The following PLS1 variants were observed in gnomAD, a reference collection of about 807,000 sequenced individuals.
PLS1 encodes the protein plastin 1.
A neutral mutation model predicts 73.7 loss-of-function variants in PLS1; 32 were observed. The observed-to-expected ratio is 0.43, with a 90% CI of 0.33 to 0.58. The LOEUF (loss-of-function observed/expected upper bound fraction) is 0.58, where lower values mean the gene tolerates loss of function less well. Among genes scored for constraint, PLS1 ranks in the 20% least tolerant of loss-of-function variants. PLS1 has a pLI of 0.04. For missense variants in PLS1, 633 were observed against 740.5 expected, an observed-to-expected ratio of 0.85 and a Z score of 1.68; for synonymous variants, 217 against 261.3, an observed-to-expected ratio of 0.83 and a Z score of 1.63.
chr3:142,683,275 C>T (rs867797830), intron 6 of PLS1, among the ~76,000 whole-genome samples: 10 of 152,156 alleles, frequency 6.6e-5, no homozygotes, highest in Admixed American at 2.0e-4. Flanking sequence ...GAGGCCGAGG[C>T]GGGCAGATTA....
intron 14 of PLS1, among the ~76,000 whole-genome samples, chr3:142,711,151 T>G (rs1933109302): frequency 6.6e-6 from 1 of 152,208 alleles, no homozygotes; most frequent in African/African-American, 2.4e-5. Flanking sequence ...ATTCATGGTC[T>G]AAGAAATATG....
At chr3:142,681,282 A>G (rs1164004117) in intron 6 of PLS1, among the ~76,000 whole-genome samples, 1 of 152,096 alleles carries the variant, frequency 6.6e-6, no homozygotes, top group Non-Finnish European at 1.5e-5. Flanking sequence ...TGACCAAAAA[A>G]AGGTCATGTA....
chr3:142,619,567 GTTC>G (rs2036277838), intron 1 of PLS1: 1 of 152,166 alleles, frequency 6.6e-6, no homozygotes, highest in East Asian at 1.9e-4. Flanking sequence ...CTGTTTTTGA[GTTC>G]TTCTCTAAGA....
rs190228499 is a variant in PLS1 at position 142,651,197 on chromosome 3, C to T, written c.-36-13005C>T. ...AGACAGGGCCGGGCACAGTGGCTAA[C>T]GCATGTAATCCCAGCATTTTGGGAG... On this transcript the variant is annotated intron_variant, in intron 1 of 15. Transcript: ENST00000457734. 5.4e-3 allele frequency among the ~76,000 whole-genome samples: 814 copies of T among 151,970 alleles called. 3 individuals carry two copies. Among genetic ancestry groups the T allele is most frequent in the African/African-American group, 0.018 (760 of 41,464 alleles).
At chr3:142,701,582 G>C (rs1180742049) in intron 12 of PLS1, among the ~76,000 whole-genome samples, 1 of 152,140 alleles carries the variant, frequency 6.6e-6, no homozygotes, top group Non-Finnish European at 1.5e-5. Flanking sequence ...TCTCTTAGAA[G>C]TGTTCTGCCA....
rs1427159978 is a variant in PLS1 at position 142,610,450 on chromosome 3, C to A, written c.-37+13941C>A. Among the ~76,000 whole-genome samples the A allele has an allele frequency of 2.0e-5, 3 of 152,246 alleles. 1 individual carries two copies. In the East Asian group the frequency reaches 5.8e-4, roughly 29 times the overall value. ...TGATTCGGATCATACTTAAATATAG[C>A]AGCTTAAGACTTTGTAAACCTTTTA... On this transcript the variant is annotated intron_variant, in intron 1 of 15. Coordinates refer to ENST00000457734, the MANE Select transcript of PLS1 (RefSeq NM_001145319.2).
intron 1 of PLS1, among the ~76,000 whole-genome samples, chr3:142,597,076 A>T (rs1398700885): frequency 6.6e-6 from 1 of 152,118 alleles, no homozygotes; most frequent in Admixed American, 6.5e-5. Flanking sequence ...AAAATTTAAG[A>T]TTTCTCCCTA....
intron 1 of PLS1, among the ~76,000 whole-genome samples, chr3:142,628,261 T>C (rs903933655): frequency 1.1e-4 from 16 of 152,154 alleles, no homozygotes; most frequent in Non-Finnish European, 2.1e-4. Context: ...CTAGGCTGTT[T>C]AGCTTGATCT....
At chr3:142,658,546 A>G (rs989715975) in intron 1 of PLS1, among the ~76,000 whole-genome samples, 1 of 151,760 alleles carries the variant, frequency 6.6e-6, no homozygotes, top group African/African-American at 2.4e-5. Flanking sequence ...CTCCCTCTAC[A>G]TAGACCACCA....
chr3:142,706,901 A>C (rs140264266), intron 14 of PLS1, among the ~76,000 whole-genome samples: 102 of 152,258 alleles, frequency 6.7e-4, no homozygotes, highest in African/African-American at 2.4e-3. Flanking sequence ...TTCCTGGAAA[A>C]GGTGATGAGT....
intron 13 of PLS1, 151 bp from the exon 14 acceptor site, chr3:142,704,312 G>A: frequency 1.6e-6 from 1 of 640,656 alleles, no homozygotes; most frequent in South Asian, 2.6e-5. Context: ...TTGTAACTTT[G>A]GAATGTAACT....
At chr3:142,679,703 A>G (rs1178467926) in intron 6 of PLS1, among the ~76,000 whole-genome samples, 9 of 151,748 alleles carry the variant, frequency 5.9e-5, no homozygotes, top group African/African-American at 2.2e-4. Context: ...GAAGTCAGGT[A>G]GCGTGATGCC....
chr3:142,626,762 A>G (rs1577794035), intron 1 of PLS1, among the ~76,000 whole-genome samples: 1 of 152,152 alleles, frequency 6.6e-6, no homozygotes, highest in African/African-American at 2.4e-5. Flanking sequence ...TGTATTTTTT[A>G]CAGTCTCCAA....
At position 142,698,006 on chromosome 3, in the gene PLS1, C is replaced by T. The variant is rs368736745; in HGVS notation, c.1310C>T (p.Pro437Leu). The change falls in exon 12 of 16, where the codon CCA becomes CTA. Residue 437 changes from proline (P) to leucine (L), a missense_variant. Transcript: ENST00000457734. The stretch of plus-strand genomic sequence containing the variant: ...CAGCTCTATGAGATGATCCGAGTGC[C>T]AGTCAACTGGAGCCATGTCAACAAA... Reference protein sequence around the residue: ...IFQLYEMIRVPVNWSHVNKPP... With the variant: ...IFQLYEMIRVLVNWSHVNKPP... 1.2e-6 allele frequency: 2 copies of T among 1,613,658 alleles called. No homozygotes were observed. The highest frequency in any genetic ancestry group is 1.7e-6 in the Non-Finnish European group (2 of 1,179,670).
intron 1 of PLS1, among the ~76,000 whole-genome samples, chr3:142,660,892 T>A (rs1417198676): frequency 6.6e-6 from 1 of 152,214 alleles, no homozygotes; most frequent in Non-Finnish European, 1.5e-5. Context: ...ATTATATAAA[T>A]TTGAATAGGC....
intron 6 of PLS1, among the ~76,000 whole-genome samples, chr3:142,681,134 A>T (rs549593154): frequency 6.6e-6 from 1 of 152,298 alleles, no homozygotes; most frequent in South Asian, 2.1e-4. Flanking sequence ...ATAGCCTCTC[A>T]GATCCACTCT....
intron 1 of PLS1, among the ~76,000 whole-genome samples, chr3:142,654,542 C>T (rs1030334027): frequency 1.3e-4 from 20 of 151,994 alleles, no homozygotes; most frequent in Non-Finnish European, 1.0e-4. Context: ...TTTGTAGAGA[C>T]AAAGTCTCAC....
chr3:142,693,194 G>C (rs1338995773), intron 10 of PLS1, among the ~76,000 whole-genome samples: 1 of 152,154 alleles, frequency 6.6e-6, no homozygotes, highest in Non-Finnish European at 1.5e-5. Context: ...GCAGATTCTG[G>C]GAAAGCTGTT....
At chr3:142,597,639 C>T (rs1475875862) in intron 1 of PLS1, among the ~76,000 whole-genome samples, 1 of 152,122 alleles carries the variant, frequency 6.6e-6, no homozygotes, top group Non-Finnish European at 1.5e-5. Context: ...TGAGGTCAGC[C>T]AGTTCAGCTG....
Sources: gnomAD v4.1 joint callset for allele counts (sites outside exome capture counted in the v4.1 genomes callset) on GRCh38, gnomAD v4.1.1 for gene constraint, MANE v1.5 for transcripts, NCBI Gene and HGNC (gene_info 2026-07-23, HGNC 2026-07-21) for gene names.